CSMD1: variants seen among roughly 807,000 people sequenced by gnomAD.
CSMD1 encodes CUB and Sushi multiple domains 1.
In CSMD1, 213 loss-of-function variants were observed where a neutral mutation model predicts 417.5. The observed-to-expected ratio is 0.51, with a 90% CI of 0.46 to 0.57. CSMD1 has a LOEUF of 0.57. Ranked by LOEUF, CSMD1 falls within the 20% of genes least tolerant of loss-of-function variation. The probability of loss-of-function intolerance (pLI) is 0.00; values close to 1 mark genes in which losing one functional copy is unlikely to be tolerated. For missense variants in CSMD1, 6,923 were observed against 4,529.7 expected, an observed-to-expected ratio of 1.53 and a Z score of -15.17; for synonymous variants, 2,862 against 1,736.8, an observed-to-expected ratio of 1.65 and a Z score of -16.11.
At chr8:3,705,135 G>A (rs1205970062) in intron 7 of CSMD1, among the ~76,000 whole-genome samples, 1 of 152,138 alleles carries the variant, frequency 6.6e-6, no homozygotes, top group African/African-American at 2.4e-5. Context: ...GGGTGAATCT[G>A]GGGACACCAC....
chr8:4,147,666 G>T (rs528645728), intron 3 of CSMD1, among the ~76,000 whole-genome samples: 3 of 152,214 alleles, frequency 2.0e-5, no homozygotes, highest in East Asian at 3.9e-4. Flanking sequence ...TGGCTCATGG[G>T]AACCCCATTC....
intron 5 of CSMD1, among the ~76,000 whole-genome samples, chr8:3,874,631 T>G (rs182018667): frequency 1.3e-5 from 2 of 152,258 alleles, no homozygotes; most frequent in Admixed American, 1.3e-4. Context: ...TGGAATATGT[T>G]TTTTGGTTTC....
At chr8:4,044,094 GATATT>G (rs1485145442) in intron 3 of CSMD1, among the ~76,000 whole-genome samples, 2 of 152,028 alleles carry the variant, frequency 1.3e-5, no homozygotes, top group African/African-American at 4.8e-5. Context: ...TTGTCTCTGT[GATATT>G]ATTTGATATG....
intron 2 of CSMD1, among the ~76,000 whole-genome samples, chr8:4,464,483 A>C (rs1486699258): frequency 1.3e-5 from 2 of 152,204 alleles, no homozygotes; most frequent in African/African-American, 4.8e-5. Flanking sequence ...CCTAAGTCAA[A>C]GCTTATTTTA....
chr8:3,771,929 A>C (rs192312877), intron 5 of CSMD1, among the ~76,000 whole-genome samples: 33 of 152,126 alleles, frequency 2.2e-4, no homozygotes, highest in Admixed American at 3.3e-4. Context: ...CCCACAGGCA[A>C]CTCAACAAGC....
At chr8:4,442,688 C>CG (rs1563178326) in intron 2 of CSMD1, among the ~76,000 whole-genome samples, 1 of 152,054 alleles carries the variant, frequency 6.6e-6, no homozygotes, top group Non-Finnish European at 1.5e-5. Flanking sequence ...TCAATGTCTC[C>CG]GAAAAGGTAG....
chr8:3,586,554 G>A (rs1480387523), intron 8 of CSMD1, among the ~76,000 whole-genome samples: 1 of 152,098 alleles, frequency 6.6e-6, no homozygotes, highest in African/African-American at 2.4e-5. Flanking sequence ...TGACTTCACT[G>A]AATAGTGTGG....
chr8:3,517,579 T>C (rs1436841101), intron 10 of CSMD1, among the ~76,000 whole-genome samples: 1 of 152,216 alleles, frequency 6.6e-6, no homozygotes. Context: ...TGCTGTCCTC[T>C]GCAATACCAA....
intron 1 of CSMD1, among the ~76,000 whole-genome samples, chr8:4,740,742 G>C (rs1251631173): frequency 6.6e-6 from 1 of 152,112 alleles, no homozygotes; most frequent in East Asian, 1.9e-4. Context: ...AATAGAGCAA[G>C]ATCCTGTCTC....
At chr8:3,401,903 A>G (rs990440253) in intron 15 of CSMD1, among the ~76,000 whole-genome samples, 1 of 152,198 alleles carries the variant, frequency 6.6e-6, no homozygotes, top group Non-Finnish European at 1.5e-5. Flanking sequence ...GATAACAAAA[A>G]AAGCAAATAT....
chr8:4,905,815 A>G lies in CSMD1; in HGVS notation c.85+88517T>C, dbSNP rs866777923. 8.4e-4 allele frequency among the ~76,000 whole-genome samples: 96 copies of G among 114,888 alleles called. 1 individual carries two copies. Among genetic ancestry groups the G allele is most frequent in the East Asian group, 4.9e-3 (12 of 2,438 alleles). The allele number at this position is 114,888 out of a possible 152,430, so 75.4% of individuals were successfully genotyped here. ...AGCCTGGGCCACAGAGCGAGACTCC[A>G]TCTCAAAAAAAAAAAAAAAGAAAAA... On this transcript the variant is annotated intron_variant, in intron 1 of 69. Transcript: ENST00000635120.
In CSMD1 at chr8:4,450,750, C is replaced by T. The variant is rs925144108; in HGVS notation, c.303-30685G>A. On this transcript the variant is annotated intron_variant, in intron 2 of 69. Transcript: ENST00000635120. ...ATTTAACAGAATAGCAACAAAACAG[C>T]GGTCTCTTCACAAATTGAAAGCAAG... is the stretch of plus-strand genomic sequence containing the variant. 6.6e-5 allele frequency among the ~76,000 whole-genome samples: 10 copies of T among 152,238 alleles called. No homozygotes were observed. In the South Asian group the frequency reaches 1.5e-3, roughly 22 times the overall value.
intron 15 of CSMD1, among the ~76,000 whole-genome samples, chr8:3,399,997 T>C (rs1295465817): frequency 6.6e-6 from 1 of 152,202 alleles, no homozygotes; most frequent in African/African-American, 2.4e-5. Context: ...TTAAAATAAA[T>C]AGCCACATGC....
intron 3 of CSMD1, among the ~76,000 whole-genome samples, chr8:4,074,562 A>G (rs1379025864): frequency 6.6e-6 from 1 of 152,172 alleles, no homozygotes. Context: ...AGTGGAAGTT[A>G]AAGGATCCGA....
At chr8:3,778,529 C>T (rs764657391) in intron 5 of CSMD1, among the ~76,000 whole-genome samples, 8 of 152,184 alleles carry the variant, frequency 5.3e-5, no homozygotes, top group African/African-American at 7.2e-5. Context: ...GAACGCTGCC[C>T]GTGTGCCTGT....
At chr8:3,241,958 G>T (rs1799561143) in intron 26 of CSMD1, among the ~76,000 whole-genome samples, 1 of 140,526 alleles carries the variant, frequency 7.1e-6, no homozygotes, top group African/African-American at 2.6e-5. Flanking sequence ...AATGTATATT[G>T]AGAATAAGAC....
chr8:3,559,890 T>A (rs995681974), intron 10 of CSMD1, among the ~76,000 whole-genome samples: 4 of 151,690 alleles, frequency 2.6e-5, no homozygotes, highest in East Asian at 1.9e-4. Flanking sequence ...GGAAGAGGGG[T>A]TGAAGACAAA....
chr8:4,582,358 A>G (rs1799463451), intron 2 of CSMD1, among the ~76,000 whole-genome samples: 1 of 152,208 alleles, frequency 6.6e-6, no homozygotes, highest in African/African-American at 2.4e-5. Context: ...ATATATTACA[A>G]GATAAACATA....
chr8:4,701,801 A>C (rs1807574752), intron 1 of CSMD1, among the ~76,000 whole-genome samples: 1 of 152,104 alleles, frequency 6.6e-6, no homozygotes, highest in Non-Finnish European at 1.5e-5. Context: ...TTTAATGAAG[A>C]TGCATAATCT....
Sources: allele counts gnomAD v4.1 joint callset (sites outside exome capture counted in the v4.1 genomes callset), GRCh38; gene constraint gnomAD v4.1.1; transcripts MANE v1.5; gene names NCBI Gene and HGNC (gene_info 2026-07-23, HGNC 2026-07-21).